The following MAD1L1 variants were observed in gnomAD, a reference collection of about 807,000 sequenced individuals.
The protein encoded by MAD1L1 is mitotic spindle assembly checkpoint protein MAD1.
MAD1L1 carries 95 observed loss-of-function variants against 96.9 expected under a neutral mutation model. That is an observed-to-expected ratio of 0.98 (90% CI 0.83 to 1.16). The LOEUF (loss-of-function observed/expected upper bound fraction) is 1.16, where lower values mean the gene tolerates loss of function less well. Among genes scored for constraint, MAD1L1 ranks in the 50% most tolerant of loss-of-function variants. The probability of loss-of-function intolerance (pLI) is 0.00; values close to 1 mark genes in which losing one functional copy is unlikely to be tolerated. For missense variants in MAD1L1, 1,007 were observed against 954.4 expected, an observed-to-expected ratio of 1.06 and a Z score of -0.73; for synonymous variants, 473 against 396.6, an observed-to-expected ratio of 1.19 and a Z score of -2.29.
chr7:1,948,709 G>A (rs1295797742), intron 16 of MAD1L1, among the ~76,000 whole-genome samples: 5 of 152,048 alleles, frequency 3.3e-5, no homozygotes, highest in Non-Finnish European at 7.4e-5. Context: ...CCGTGGCCAG[G>A]GAAGACGGCA....
chr7:2,185,534 C>CT (rs1562351649), intron 10 of MAD1L1, among the ~76,000 whole-genome samples: 2 of 152,070 alleles, frequency 1.3e-5, no homozygotes, highest in South Asian at 2.1e-4. Flanking sequence ...TAGATAGTTT[C>CT]TTTTTTTAAA....
chr7:2,021,443 G>A (rs780034733), intron 12 of MAD1L1, among the ~76,000 whole-genome samples: 2 of 152,180 alleles, frequency 1.3e-5, no homozygotes, highest in Non-Finnish European at 2.9e-5. Context: ...CATCCAGCAA[G>A]ATGATCTTCT....
intron 16 of MAD1L1, among the ~76,000 whole-genome samples, chr7:1,941,001 C>CCTCCTCTTCCTCTCCCAGGCCTCAGG (rs1778967023): frequency 6.6e-6 from 1 of 151,552 alleles, no homozygotes; most frequent in Non-Finnish European, 1.5e-5. Flanking sequence ...CAGGCCTCAG[C>CCTCCTCTTCCTCTCCCAGGCCTCAGG]CTCCTCTTCC....
At chr7:2,017,042 C>G (rs1272581596) in intron 12 of MAD1L1, among the ~76,000 whole-genome samples, 1 of 152,258 alleles carries the variant, frequency 6.6e-6, no homozygotes, top group African/African-American at 2.4e-5. Flanking sequence ...CGTGACGGCT[C>G]TCTTCAGCCT....
intron 10 of MAD1L1, among the ~76,000 whole-genome samples, chr7:2,206,450 G>A (rs1451940923): frequency 2.6e-5 from 4 of 152,138 alleles, no homozygotes; most frequent in Non-Finnish European, 4.4e-5. Flanking sequence ...AGGTCTATGC[G>A]TCATTTGAGT....
chr7:1,850,478 G>A (rs886529484), intron 18 of MAD1L1, among the ~76,000 whole-genome samples: 7 of 152,218 alleles, frequency 4.6e-5, no homozygotes, highest in Admixed American at 4.6e-4. Flanking sequence ...GTGGGTCCAG[G>A]TGGGGGTACC....
At chr7:1,984,823 G>C (rs530405372) in intron 14 of MAD1L1, among the ~76,000 whole-genome samples, 1 of 152,316 alleles carries the variant, frequency 6.6e-6, no homozygotes, top group South Asian at 2.1e-4. Context: ...GTATTATGTT[G>C]TTATGCTTTC....
At chr7:1,964,779 TCA>T (rs1780091071) in intron 15 of MAD1L1, among the ~76,000 whole-genome samples, 1 of 152,302 alleles carries the variant, frequency 6.6e-6, no homozygotes, top group South Asian at 2.1e-4. Context: ...AACAAACCCA[TCA>T]CACACGGGGG....
chr7:2,036,673 T>C (rs1272332183), intron 12 of MAD1L1, among the ~76,000 whole-genome samples: 2 of 152,028 alleles, frequency 1.3e-5, no homozygotes, highest in African/African-American at 4.8e-5. Flanking sequence ...AGGAAGAGCT[T>C]ACCCCTAAAG....
intron 16 of MAD1L1, among the ~76,000 whole-genome samples, chr7:1,950,184 T>C (rs1010361825): frequency 6.6e-6 from 1 of 152,170 alleles, no homozygotes; most frequent in Non-Finnish European, 1.5e-5. Flanking sequence ...GGGTCCCAGT[T>C]CCACCAGCCA....
chr7:2,217,212 A>G (rs1793333151), intron 7 of MAD1L1, among the ~76,000 whole-genome samples: 1 of 152,240 alleles, frequency 6.6e-6, no homozygotes, highest in African/African-American at 2.4e-5. Context: ...CCCTTGGGAC[A>G]CAGACAGCTG....
At chr7:1,856,769 C>T (rs564544224) in intron 18 of MAD1L1, among the ~76,000 whole-genome samples, 4 of 152,264 alleles carry the variant, frequency 2.6e-5, no homozygotes, top group African/African-American at 4.8e-5. Context: ...CGTGCCTCCA[C>T]GTTCCACACG....
At chr7:2,228,679 C>T (rs553073965) in intron 3 of MAD1L1, among the ~76,000 whole-genome samples, 2 of 149,722 alleles carry the variant, frequency 1.3e-5, no homozygotes, top group Non-Finnish European at 3.0e-5. Flanking sequence ...ATATATATGA[C>T]CTAATCTCAG....
At chr7:1,869,980 C>T (rs997806771) in intron 18 of MAD1L1, among the ~76,000 whole-genome samples, 7 of 152,140 alleles carry the variant, frequency 4.6e-5, no homozygotes, top group Admixed American at 6.5e-5. Context: ...GTGCCTCGCC[C>T]GTGCCTCCCC....
chr7:1,931,373 C>T (rs185584873), intron 17 of MAD1L1, among the ~76,000 whole-genome samples: 2 of 152,352 alleles, frequency 1.3e-5, no homozygotes, highest in East Asian at 1.9e-4. Flanking sequence ...CAGCAAGCGG[C>T]GTGACCTGGA....
chr7:2,232,712 T>C (rs1234808825), intron 1 of MAD1L1, among the ~76,000 whole-genome samples, 160 bp downstream of exon 1: 2 of 151,812 alleles, frequency 1.3e-5, no homozygotes, highest in Admixed American at 1.3e-4. Flanking sequence ...AGCGCGCCCA[T>C]GGGAGACGGG....
intron 10 of MAD1L1, among the ~76,000 whole-genome samples, chr7:2,154,968 G>A (rs1326832835): frequency 3.9e-5 from 6 of 152,212 alleles, no homozygotes; most frequent in African/African-American, 7.2e-5. Flanking sequence ...TGAACCAAGC[G>A]GGGTGGGGAG....
intron 18 of MAD1L1, among the ~76,000 whole-genome samples, chr7:1,869,650 G>A (rs1435166119): frequency 6.6e-6 from 1 of 152,180 alleles, no homozygotes; most frequent in Non-Finnish European, 1.5e-5. Flanking sequence ...GCTGCCGAAG[G>A]GTAATTTAAT....
chr7:1,839,644 G>A (rs565497188), intron 18 of MAD1L1, among the ~76,000 whole-genome samples: 4 of 152,368 alleles, frequency 2.6e-5, no homozygotes, highest in South Asian at 2.1e-4. Flanking sequence ...GAGATGGGAT[G>A]TGCAGGCTTG....
Sources: gnomAD v4.1 joint callset for allele counts (sites outside exome capture counted in the v4.1 genomes callset) on GRCh38, gnomAD v4.1.1 for gene constraint, MANE v1.5 for transcripts, NCBI Gene and HGNC (gene_info 2026-07-23, HGNC 2026-07-21) for gene names.